Variants in TCERG1L observed in about 807,000 individuals in gnomAD.
TCERG1L encodes transcription elongation regulator 1 like, also known as transcription elongation regulator 1-like protein.
Under a neutral mutation model 56.3 loss-of-function variants are expected in TCERG1L, and 37 were observed. That is an observed-to-expected ratio of 0.66 (90% CI 0.51 to 0.87). The LOEUF is 0.87. Among genes scored for constraint, TCERG1L ranks in the 40% least tolerant of loss-of-function variants. TCERG1L has a pLI of 0.00. For synonymous variants in TCERG1L, 324 were observed against 326.3 expected (o/e 0.99, Z 0.08); for missense variants, 799 against 774.2 (o/e 1.03, Z -0.38).
rs1367409183 is a variant in TCERG1L, at chr10:131,311,579, G to A, written c.57C>T (p.Pro19=). 12 of 1,158,572 alleles carry A rather than the reference G, an allele frequency of 1.0e-5. No individual in the cohort carries two copies. Among genetic ancestry groups the A allele is most frequent in the Non-Finnish European group, 1.3e-5 (12 of 941,598 alleles). The allele number at this position is 1,158,572 out of a possible 1,614,324, so 71.8% of individuals were successfully genotyped here. A position where few individuals can be genotyped will look rare whatever the true frequency, so the allele number is the denominator to read the frequency against. Residue 19 remains proline, a synonymous_variant, in exon 1 of 12, where the codon CCC becomes CCT. Coordinates refer to ENST00000368642, the MANE Select transcript of TCERG1L (RefSeq NM_174937.4). This position sits in a 1 kb window ranked among gnomAD's most constrained non-coding sequence, Gnocchi z 4.0. ...RRRRQLQQQQ[P]RRRQPLLWPM... is the part of the protein sequence containing the mutation. ...GCCAGAGGAGAGGCTGCCGCCGCCG[G>A]GGCTGCTGCTGCTGCAGCTGCCGCC...
intron 4 of TCERG1L, among the ~76,000 whole-genome samples, chr10:131,249,429 C>A (rs1047675842): frequency 6.6e-6 from 1 of 152,016 alleles, no homozygotes; most frequent in African/African-American, 2.4e-5. Flanking sequence ...GCTACCCCAG[C>A]GTAGGGGCTT....
At chr10:131,246,307 A>C (rs1405730772) in intron 4 of TCERG1L, among the ~76,000 whole-genome samples, 1 of 152,144 alleles carries the variant, frequency 6.6e-6, no homozygotes, top group Non-Finnish European at 1.5e-5. Flanking sequence ...ACCATGAAGG[A>C]AGGCTGGGGG....
chr10:131,110,173 G>A (rs969391954), intron 9 of TCERG1L, among the ~76,000 whole-genome samples: 1 of 152,182 alleles, frequency 6.6e-6, no homozygotes, highest in African/African-American at 2.4e-5. Flanking sequence ...TCAGTGACAA[G>A]GACGTGGTCT....
At chr10:131,124,558 G>C (rs1845545654) in intron 8 of TCERG1L, among the ~76,000 whole-genome samples, 1 of 152,190 alleles carries the variant, frequency 6.6e-6, no homozygotes, top group Non-Finnish European at 1.5e-5. Context: ...TTGCAAGTGT[G>C]CTACGGTTTT....
At chr10:131,163,545 T>G (rs1845999992) in intron 5 of TCERG1L, among the ~76,000 whole-genome samples, 1 of 152,198 alleles carries the variant, frequency 6.6e-6, no homozygotes, top group Non-Finnish European at 1.5e-5. Flanking sequence ...TCTCACTGGC[T>G]TCATCCCCAG....
At chr10:131,165,465 C>T (rs138885136) in intron 5 of TCERG1L, among the ~76,000 whole-genome samples, 16 of 152,260 alleles carry the variant, frequency 1.1e-4, no homozygotes, top group African/African-American at 3.9e-4. Flanking sequence ...AAAATTTTTA[C>T]AGGTTTTCTA....
chr10:131,201,653 C>G (rs940048248), intron 4 of TCERG1L, among the ~76,000 whole-genome samples: 3 of 152,066 alleles, frequency 2.0e-5, no homozygotes, highest in Non-Finnish European at 4.4e-5. Context: ...TTCTACAAAA[C>G]ATGGACTGCA....
chr10:131,105,361 T>C (rs1173308306), intron 9 of TCERG1L, among the ~76,000 whole-genome samples: 1 of 152,204 alleles, frequency 6.6e-6, no homozygotes, highest in Non-Finnish European at 1.5e-5. Context: ...GACATCGCCA[T>C]ACACAGCCCA....
At chr10:131,269,640 C>T (rs763565097) in intron 3 of TCERG1L, among the ~76,000 whole-genome samples, 21 of 152,206 alleles carry the variant, frequency 1.4e-4, no homozygotes, top group Admixed American at 5.9e-4. Context: ...AAGTTTGTGG[C>T]TCCCCAAAAC....
intron 3 of TCERG1L, among the ~76,000 whole-genome samples, chr10:131,273,655 C>T (rs759252290): frequency 2.0e-5 from 3 of 152,138 alleles, no homozygotes; most frequent in African/African-American, 4.8e-5. Context: ...GGGCGGAGGG[C>T]GTCATTTCCC....
intron 9 of TCERG1L, among the ~76,000 whole-genome samples, chr10:131,110,772 C>T (rs918908746): frequency 5.9e-5 from 9 of 152,172 alleles, no homozygotes; most frequent in South Asian, 2.1e-4. Flanking sequence ...TTCCAGTGGA[C>T]GCGTCAGCCC....
intron 4 of TCERG1L, among the ~76,000 whole-genome samples, chr10:131,198,848 C>T (rs1297119369): frequency 6.6e-6 from 1 of 152,238 alleles, no homozygotes; most frequent in Non-Finnish European, 1.5e-5. Context: ...CTTGTGCCTG[C>T]TCAGCTCATG....
chr10:131,266,980 CA>C (rs1846294129), intron 3 of TCERG1L, among the ~76,000 whole-genome samples: 1 of 152,106 alleles, frequency 6.6e-6, no homozygotes, highest in Non-Finnish European at 1.5e-5. Context: ...GGAAAAGGCA[CA>C]AGTCCCTACT....
At chr10:131,124,663 C>T (rs1387859336) in intron 8 of TCERG1L, among the ~76,000 whole-genome samples, 1 of 152,088 alleles carries the variant, frequency 6.6e-6, no homozygotes, top group African/African-American at 2.4e-5. Context: ...TCATCGCTGC[C>T]TGTCCGTGGA....
At chr10:131,204,060 A>T (rs1053189822) in intron 4 of TCERG1L, among the ~76,000 whole-genome samples, 1 of 152,178 alleles carries the variant, frequency 6.6e-6, no homozygotes, top group South Asian at 2.1e-4. Context: ...GAGCGACCTC[A>T]TGGAAGGCCC....
At chr10:131,164,127 A>G (rs1432170690) in intron 5 of TCERG1L, 5 of 82,040 alleles carry the variant, frequency 6.1e-5, no homozygotes, top group Non-Finnish European at 8.8e-5. Context: ...ACTCTGTCTT[A>G]AAAAAAAAAA....
intron 8 of TCERG1L, among the ~76,000 whole-genome samples, chr10:131,131,842 C>T (rs542737971): frequency 2.6e-5 from 4 of 152,314 alleles, no homozygotes; most frequent in African/African-American, 7.2e-5. Context: ...GGCAAAATTA[C>T]GCTATCCACA....
At chr10:131,310,901 T>C (rs951631738) in intron 1 of TCERG1L, among the ~76,000 whole-genome samples, 1 of 152,248 alleles carries the variant, frequency 6.6e-6, no homozygotes, top group African/African-American at 2.4e-5. Flanking sequence ...CTTTCAAGTC[T>C]GGCAGAGACT....
chr10:131,168,240 A>G (rs752497117), intron 4 of TCERG1L, among the ~76,000 whole-genome samples: 3 of 152,232 alleles, frequency 2.0e-5, no homozygotes, highest in Non-Finnish European at 2.9e-5. Flanking sequence ...CTGTGCTTGA[A>G]GGGGGTGAAA....
Sources: gnomAD v4.1 joint callset for allele counts (sites outside exome capture counted in the v4.1 genomes callset) on GRCh38, gnomAD v4.1.1 for gene constraint, Gnocchi (gnomAD v3.1) non-coding constraint, MANE v1.5 for transcripts, NCBI Gene and HGNC (gene_info 2026-07-23, HGNC 2026-07-21) for gene names.